DLGAP2: variants seen among roughly 807,000 people sequenced by gnomAD.
DLGAP2 encodes disks large-associated protein 2.
A neutral mutation model predicts 100.3 loss-of-function variants in DLGAP2; 26 were observed. The observed-to-expected ratio is 0.26, with a 90% CI of 0.19 to 0.36. DLGAP2 has a LOEUF of 0.36. Among genes scored for constraint, DLGAP2 ranks in the 10% least tolerant of loss-of-function variants. The pLI is 1.00. For missense variants in DLGAP2, 1,858 were observed against 1,453.2 expected (o/e 1.28, Z -4.53); for synonymous variants, 886 against 630.1 (o/e 1.41, Z -6.08).
intron 2 of DLGAP2, chr8:910,684 A>G (rs1373587035): frequency 6.6e-6 from 1 of 152,158 alleles, no homozygotes; most frequent in Non-Finnish European, 1.5e-5. Context: ...TGAGCGTTGA[A>G]GCCGAGATAC....
intron 1 of DLGAP2, among the ~76,000 whole-genome samples, chr8:838,356 C>G (rs1796920737): frequency 6.6e-6 from 1 of 151,914 alleles, no homozygotes; most frequent in Non-Finnish European, 1.5e-5. Flanking sequence ...TCCTTATTCA[C>G]TTGTTCTGGG....
intron 2 of DLGAP2, among the ~76,000 whole-genome samples, chr8:1,232,994 T>A (rs1798569157): frequency 2.0e-5 from 3 of 152,224 alleles, no homozygotes; most frequent in Admixed American, 2.0e-4. Context: ...ATGAACTTGC[T>A]ATGCTGAACA....
At chr8:825,894 T>C (rs1172168696) in intron 1 of DLGAP2, among the ~76,000 whole-genome samples, 1 of 152,260 alleles carries the variant, frequency 6.6e-6, no homozygotes, top group Non-Finnish European at 1.5e-5. Context: ...AAGAAGTTGT[T>C]GACTGTAGTC....
At chr8:1,218,509 C>G (rs1798255876) in intron 2 of DLGAP2, among the ~76,000 whole-genome samples, 2 of 139,592 alleles carry the variant, frequency 1.4e-5, no homozygotes, top group Non-Finnish European at 3.0e-5. Context: ...GTTTTTTTAC[C>G]AGTACCATGT....
At chr8:1,177,508 C>T (rs1207063261) in intron 2 of DLGAP2, among the ~76,000 whole-genome samples, 2 of 152,090 alleles carry the variant, frequency 1.3e-5, no homozygotes, top group Non-Finnish European at 2.9e-5. Flanking sequence ...CAGATATTAG[C>T]ACCATTGTTC....
intron 2 of DLGAP2, among the ~76,000 whole-genome samples, chr8:1,241,128 CGT>C (rs1798783741): frequency 8.1e-6 from 1 of 122,850 alleles, no homozygotes; most frequent in Admixed American, 8.8e-5. Context: ...CGCATGGCGC[CGT>C]GTCTAGTTCT....
intron 2 of DLGAP2, among the ~76,000 whole-genome samples, chr8:1,161,833 T>G (rs1796896124): frequency 6.6e-6 from 1 of 152,320 alleles, no homozygotes; most frequent in Admixed American, 6.5e-5. Context: ...TTGGTGCCTC[T>G]TGGTGGCTTC....
chr8:1,317,361 A>C (rs13253142), intron 3 of DLGAP2, among the ~76,000 whole-genome samples: 203 of 91,366 alleles, frequency 2.2e-3, no homozygotes, highest in Middle Eastern at 0.017. Context: ...ACACTCGAGA[A>C]ACTCGGCAGC....
At chr8:1,369,842 C>T (rs1802194335) in intron 3 of DLGAP2, 2 of 152,206 alleles carry the variant, frequency 1.3e-5, no homozygotes, top group South Asian at 2.1e-4. Context: ...ACAGTAGAGA[C>T]TTGGAGGCGC....
chr8:1,553,461 C>T (rs1050219430), intron 5 of DLGAP2, among the ~76,000 whole-genome samples: 8 of 152,024 alleles, frequency 5.3e-5, no homozygotes, highest in Admixed American at 3.3e-4. Context: ...GGCGTGTTCA[C>T]GGTCAGCAGC....
At position 1,211,953 on chromosome 8, in the gene DLGAP2, C is replaced by T. The variant is rs577114070; in HGVS notation, c.74-46898C>T. 5.8e-4 allele frequency among the ~76,000 whole-genome samples: 88 copies of T among 152,340 alleles called. 2 individuals are homozygous for T. In the South Asian group the frequency reaches 0.011, roughly 20 times the overall value. ...CAGTGCTCCTCGTGCTCCAGGCCACCATTGTCAGGATGCAGGTCTGACTGG... is the reference window on the plus strand; with the variant it reads ...CAGTGCTCCTCGTGCTCCAGGCCACTATTGTCAGGATGCAGGTCTGACTGG... On this transcript the variant is annotated intron_variant, in intron 2 of 14. Coordinates refer to ENST00000637795, the MANE Select transcript of DLGAP2 (RefSeq NM_001346810.2).
chr8:928,130 C>T (rs1042194126), intron 2 of DLGAP2, among the ~76,000 whole-genome samples: 1 of 152,188 alleles, frequency 6.6e-6, no homozygotes, highest in African/African-American at 2.4e-5. Flanking sequence ...GAAGCCACCT[C>T]CTAGGAGAAT....
At chr8:1,196,052 A>C (rs545022144) in intron 2 of DLGAP2, among the ~76,000 whole-genome samples, 6 of 152,246 alleles carry the variant, frequency 3.9e-5, no homozygotes, top group Admixed American at 6.5e-5. Context: ...GAGAAAAATG[A>C]AACTGAGGCC....
At chr8:1,558,937 C>T (rs926091716) in intron 5 of DLGAP2, among the ~76,000 whole-genome samples, 3 of 152,168 alleles carry the variant, frequency 2.0e-5, no homozygotes, top group Admixed American at 2.0e-4. Flanking sequence ...TGGGAACGCA[C>T]AGCAATGGAC....
At chr8:1,432,696 C>T (rs531076933) in intron 3 of DLGAP2, among the ~76,000 whole-genome samples, 16 of 152,324 alleles carry the variant, frequency 1.1e-4, no homozygotes, top group South Asian at 2.1e-4. Context: ...TCTGTCATGT[C>T]GGCATGCTGT....
chr8:1,164,631 A>T (rs1796978829), intron 2 of DLGAP2, among the ~76,000 whole-genome samples: 1 of 151,762 alleles, frequency 6.6e-6, no homozygotes, highest in Admixed American at 6.6e-5. Context: ...CCATGCTCAG[A>T]ACCGCCAGGG....
intron 2 of DLGAP2, among the ~76,000 whole-genome samples, chr8:986,478 A>G (rs2129015508): frequency 6.6e-6 from 1 of 152,162 alleles, no homozygotes; most frequent in African/African-American, 2.4e-5. Context: ...ATCTAGTGTT[A>G]AGTGTTGCAT....
intron 3 of DLGAP2, among the ~76,000 whole-genome samples, chr8:1,331,122 C>G (rs1183008044): frequency 6.6e-6 from 1 of 152,222 alleles, no homozygotes; most frequent in Non-Finnish European, 1.5e-5. Flanking sequence ...TGCACGCTTT[C>G]TTTCATCTGT....
chr8:1,044,453 C>T (rs895248634), intron 2 of DLGAP2, among the ~76,000 whole-genome samples: 1 of 152,224 alleles, frequency 6.6e-6, no homozygotes, highest in East Asian at 1.9e-4. Context: ...GTTGGTCTCA[C>T]CGCACCTGCG....
Sources: gnomAD v4.1 joint callset for allele counts (sites outside exome capture counted in the v4.1 genomes callset) on GRCh38, gnomAD v4.1.1 for gene constraint, MANE v1.5 for transcripts, NCBI Gene and HGNC (gene_info 2026-07-23, HGNC 2026-07-21) for gene names.